The following COLEC10 variants were observed in gnomAD, a reference collection of about 807,000 sequenced individuals.
COLEC10 encodes collectin subfamily member 10, also known as collectin-10.
COLEC10 carries 22 observed loss-of-function variants against 28.4 expected under a neutral mutation model. The observed-to-expected ratio is 0.78, with a 90% CI of 0.55 to 1.11. COLEC10 has a LOEUF of 1.11. COLEC10 is among the 50% of genes least tolerant of loss of function. COLEC10 has a pLI of 0.00. For synonymous variants in COLEC10, 125 were observed against 116.1 expected (o/e 1.08, Z -0.49); for missense variants, 361 against 344.1 (o/e 1.05, Z -0.39).
At chr8:119,079,361 C>A (rs927897376) in intron 1 of COLEC10, among the ~76,000 whole-genome samples, 2 of 152,138 alleles carry the variant, frequency 1.3e-5, no homozygotes, top group Non-Finnish European at 2.9e-5. Flanking sequence ...GTCCCATACC[C>A]TTTCAGTGAT....
At chr8:119,073,915 G>A (rs565127538) in intron 1 of COLEC10, among the ~76,000 whole-genome samples, 145 of 149,482 alleles carry the variant, frequency 9.7e-4, no homozygotes, top group African/African-American at 3.5e-3. Flanking sequence ...TTTTATATAT[G>A]TATATATGTG....
At chr8:119,054,739 G>A (rs74504581) in intron 2 of COLEC10, among the ~76,000 whole-genome samples, 1,607 of 152,042 alleles carry the variant, frequency 0.011, 27 homozygotes, top group African/African-American at 0.036. Flanking sequence ...CAAAATTATT[G>A]TTTTTAAACA....
At chr8:119,024,738 A>G (rs1243442005) in intron 2 of COLEC10, among the ~76,000 whole-genome samples, 1 of 152,102 alleles carries the variant, frequency 6.6e-6, no homozygotes, top group East Asian at 1.9e-4. Flanking sequence ...GACTGGATAC[A>G]TTTTTTTCAC....
intron 2 of COLEC10, among the ~76,000 whole-genome samples, chr8:119,036,508 A>G (rs1814391989): frequency 6.6e-6 from 1 of 152,236 alleles, no homozygotes; most frequent in African/African-American, 2.4e-5. Flanking sequence ...TTTGACAGAT[A>G]TAAGTTCTAA....
chr8:119,034,727 T>C, intron 2 of COLEC10, among the ~76,000 whole-genome samples: 1 of 152,066 alleles, frequency 6.6e-6, no homozygotes, highest in East Asian at 1.9e-4. Context: ...AACAAAACTA[T>C]GATGTTAGTC....
At chr8:118,979,864 A>G in the COLEC10 span, among the ~76,000 whole-genome samples, 8 of 152,096 alleles carry the variant, frequency 5.3e-5, no homozygotes, top group African/African-American at 1.9e-4. Flanking sequence ...AATTTGATCA[A>G]GTTGAAGAGT....
At chr8:119,020,005 T>C (rs968914011) in intron 2 of COLEC10, among the ~76,000 whole-genome samples, 2 of 152,208 alleles carry the variant, frequency 1.3e-5, no homozygotes, top group Non-Finnish European at 2.9e-5. Context: ...TCACACAAGG[T>C]CCAGATCATG....
chr8:119,058,662 A>C (rs943665062), intron 2 of COLEC10, among the ~76,000 whole-genome samples: 2 of 151,970 alleles, frequency 1.3e-5, no homozygotes, highest in Non-Finnish European at 2.9e-5. Flanking sequence ...CTGTTTACTC[A>C]CTGCTTGTGG....
chr8:118,988,976 C>T, the COLEC10 span, among the ~76,000 whole-genome samples: 2 of 152,128 alleles, frequency 1.3e-5, no homozygotes, highest in Non-Finnish European at 2.9e-5. Context: ...CAAAACAAAA[C>T]CAACCAATGA....
intron 3 of COLEC10, among the ~76,000 whole-genome samples, chr8:119,101,458 A>T: frequency 6.6e-6 from 1 of 152,298 alleles, no homozygotes; most frequent in Middle Eastern, 3.4e-3. Context: ...GTTGAAAAAA[A>T]ATTAACGTGT....
chr8:119,029,417 G>T (rs1387921081), intron 2 of COLEC10, among the ~76,000 whole-genome samples: 1 of 152,070 alleles, frequency 6.6e-6, no homozygotes, highest in Non-Finnish European at 1.5e-5. Context: ...CAAGACATGG[G>T]TATTATGCTA....
At chr8:119,001,845 T>A (rs940658184) in intron 1 of COLEC10, among the ~76,000 whole-genome samples, 1 of 152,176 alleles carries the variant, frequency 6.6e-6, no homozygotes, top group Non-Finnish European at 1.5e-5. Flanking sequence ...TCAAAAAGAA[T>A]AATCTGTAAT....
At chr8:119,085,599 CTTTTT>C (rs66829005) in intron 1 of COLEC10, among the ~76,000 whole-genome samples, 11 of 63,542 alleles carry the variant, frequency 1.7e-4, no homozygotes, top group Admixed American at 9.7e-4. Flanking sequence ...TCTTCTTCTT[CTTTTT>C]TTTTTTTTTT....
intron 1 of COLEC10, among the ~76,000 whole-genome samples, chr8:119,007,887 G>A (rs1431489449): frequency 2.0e-5 from 3 of 150,448 alleles, no homozygotes; most frequent in Non-Finnish European, 4.4e-5. Flanking sequence ...TATAAAAATG[G>A]GAATTAAATA....
intron 2 of COLEC10, among the ~76,000 whole-genome samples, chr8:119,014,840 T>C (rs544583203): frequency 1.3e-5 from 2 of 151,276 alleles, no homozygotes; most frequent in South Asian, 4.1e-4. Context: ...TTCCCTCTAC[T>C]GTGTCCAGTC....
chr8:118,955,982 T>G, the COLEC10 span, among the ~76,000 whole-genome samples: 1 of 152,222 alleles, frequency 6.6e-6, no homozygotes, highest in African/African-American at 2.4e-5. Flanking sequence ...AAACTGGGTG[T>G]CAAATTTAAG....
At chr8:119,029,609 C>T (rs1306615818) in intron 2 of COLEC10, among the ~76,000 whole-genome samples, 3 of 152,052 alleles carry the variant, frequency 2.0e-5, no homozygotes, top group African/African-American at 4.8e-5. Flanking sequence ...GGGTATATCA[C>T]CTAATAAAGT....
the COLEC10 span, among the ~76,000 whole-genome samples, chr8:118,989,782 A>G: frequency 6.6e-6 from 1 of 152,114 alleles, no homozygotes; most frequent in Admixed American, 6.6e-5. Context: ...ATAGTAATAA[A>G]TGTCACATAT....
the COLEC10 span, among the ~76,000 whole-genome samples, chr8:118,969,628 A>G: frequency 6.6e-6 from 1 of 151,862 alleles, no homozygotes; most frequent in Non-Finnish European, 1.5e-5. Context: ...TGGTACACCC[A>G]ATACCCAGAG....
Sources: allele counts gnomAD v4.1 joint callset (sites outside exome capture counted in the v4.1 genomes callset), GRCh38; gene constraint gnomAD v4.1.1; transcripts MANE v1.5; gene names NCBI Gene and HGNC (gene_info 2026-07-23, HGNC 2026-07-21).